ASPM: variants seen among roughly 807,000 people sequenced by gnomAD.
ASPM encodes the protein abnormal spindle-like microcephaly-associated protein.
Under a neutral mutation model 366.4 loss-of-function variants are expected in ASPM, and 256 were observed. The observed-to-expected ratio is 0.70, with a 90% CI of 0.63 to 0.77. ASPM has a LOEUF of 0.77. Ranked by LOEUF, ASPM falls within the 30% of genes least tolerant of loss-of-function variation. The pLI, the probability that ASPM is intolerant of heterozygous loss-of-function variation, is 0.00. For missense variants in ASPM, 4,146 were observed against 4,090.4 expected, an observed-to-expected ratio of 1.01 and a Z score of -0.37; for synonymous variants, 1,414 against 1,342.9, an observed-to-expected ratio of 1.05 and a Z score of -1.16.
intron 6 of ASPM, among the ~76,000 whole-genome samples, chr1:197,133,070 T>C (rs1275267601): frequency 2.6e-5 from 4 of 152,164 alleles, no homozygotes; most frequent in Non-Finnish European, 4.4e-5. Flanking sequence ...CGACTATAGT[T>C]AATAACAGTG....
At chr1:197,136,162 G>A (rs1330602601) in intron 4 of ASPM, among the ~76,000 whole-genome samples, 2 of 152,064 alleles carry the variant, frequency 1.3e-5, no homozygotes, top group East Asian at 1.9e-4. Flanking sequence ...AAAAATAAGG[G>A]AGAAATTAAG....
At chr1:197,118,128 TACTGA>T in intron 16 of ASPM, 145 bp from the exon 17 acceptor site, 1 of 790,472 alleles carries the variant, frequency 1.3e-6, no homozygotes, top group Non-Finnish European at 2.1e-6. Context: ...ATCTTTGGAA[TACTGA>T]TAATTCCAGG....
Position 197,100,659 on chromosome 1 carries a change from G to A in ASPM, c.8592C>T (p.Ile2864=). Residue 2864 remains isoleucine (I), a synonymous_variant, in exon 18 of 28, where the codon ATC becomes ATT. Coordinates refer to ENST00000367409, the MANE Select transcript of ASPM (RefSeq NM_018136.5). Reference sequence around the variant, plus strand: ...ACGTCCTAAAATAATGCTGTAAAGTGATAGCAGCTCTTTTCTGCTGAACAA... The same window carrying A: ...ACGTCCTAAAATAATGCTGTAAAGTAATAGCAGCTCTTTTCTGCTGAACAA... ...RRFVQQKRAA[I]TLQHYFRTWQ... The A allele has an allele frequency of 6.2e-7, 1 of 1,612,294 alleles. No homozygotes were observed. Among genetic ancestry groups the A allele is most frequent in the South Asian group, 1.1e-5 (1 of 91,044 alleles).
rs376539395 is a variant in ASPM, at chr1:197,122,174, T to C, written c.3726A>G (p.Thr1242=). The change falls in exon 15 of 28, where the codon ACA becomes ACG. Residue 1242 remains threonine (T), a synonymous_variant. Coordinates refer to ENST00000367409, the MANE Select transcript of ASPM (RefSeq NM_018136.5). ...TTTTACTTACCTTTTCATCTGGAAT[T>C]GTATTTGACATATCTGAATGATTAA... is the stretch of plus-strand genomic sequence containing the variant. ...AMINHSDMSN[T]IPDEKVVITY... is the part of the protein sequence containing the mutation. 2.9e-5 allele frequency: 47 copies of C among 1,611,038 alleles called. No individual in the cohort carries two copies. The Admixed American group carries it at 3.5e-4, about 12-fold the overall frequency.
rs1372835902 is a variant in ASPM at position 197,142,692 on chromosome 1, A to G, written c.1560T>C (p.Cys520=). ...CATGTTCACCCACTGCACTGTTGAG[A>G]CATCTTTTTGCTTTTGGTTTATTAA... ...TEINKPKAKR[C]LNSAVGEHEK... The change falls in exon 3 of 28, where the codon TGT becomes TGC. Residue 520 remains cysteine (C), a synonymous_variant. Transcript: ENST00000367409. 1 of 1,613,846 alleles carries G rather than the reference A, an allele frequency of 6.2e-7. No homozygotes were observed. Among genetic ancestry groups the G allele is most frequent in the African/African-American group, 1.3e-5 (1 of 75,002 alleles).
At chr1:197,092,933 C>A (rs1656830504) in intron 21 of ASPM, 119 bp downstream of exon 21, 2 of 894,880 alleles carry the variant, frequency 2.2e-6, no homozygotes. Context: ...TGAATTAATT[C>A]AAGTTAATGG....
chr1:197,136,452 T>C (rs1172895383), intron 4 of ASPM, among the ~76,000 whole-genome samples: 1 of 152,120 alleles, frequency 6.6e-6, no homozygotes, highest in Non-Finnish European at 1.5e-5. Context: ...ATATGTTAGG[T>C]GGTGTACAAT....
chr1:197,135,037 GT>G, intron 5 of ASPM, 58 bp downstream of exon 5: 1 of 1,268,646 alleles, frequency 7.9e-7, no homozygotes, highest in Admixed American at 2.0e-5. Context: ...GACAAACGAT[GT>G]TAAAAATCTT....
chr1:197,108,671 A>C (rs776592781), intron 17 of ASPM, among the ~76,000 whole-genome samples: 2 of 152,052 alleles, frequency 1.3e-5, no homozygotes, highest in Non-Finnish European at 2.9e-5. Flanking sequence ...TCCTATACAA[A>C]TTTAAAAAAC....
chr1:197,139,025 C>G (rs1003884434), intron 4 of ASPM: 2 of 731,498 alleles, frequency 2.7e-6, no homozygotes, highest in Non-Finnish European at 5.0e-6. Context: ...CTTTTGGCTT[C>G]AAAGATTTCT....
intron 4 of ASPM, chr1:197,139,181 A>C: frequency 1.0e-6 from 1 of 961,932 alleles, no homozygotes; most frequent in East Asian, 2.4e-5. Flanking sequence ...CTTGGAGCTT[A>C]ACGAAGTCAC....
At chr1:197,130,397 C>T (rs911911240) in intron 7 of ASPM, among the ~76,000 whole-genome samples, 1 of 152,094 alleles carries the variant, frequency 6.6e-6, no homozygotes, top group Non-Finnish European at 1.5e-5. Flanking sequence ...CCATTAAGTA[C>T]ATCGTGAAGT....
chr1:197,109,911 CTGA>C (rs1265368215), intron 17 of ASPM, among the ~76,000 whole-genome samples: 1 of 151,932 alleles, frequency 6.6e-6, no homozygotes, highest in African/African-American at 2.4e-5. Flanking sequence ...TAACAAAAAG[CTGA>C]TGATGAACAA....
In ASPM at chr1:197,090,099, A is replaced by C; in HGVS notation, c.9830-15T>G. On this transcript the variant is annotated splice_polypyrimidine_tract_variant and intron_variant, in intron 24 of 27. Transcript: ENST00000367409. The stretch of plus-strand genomic sequence containing the variant: ...AGTAACTACCTCTGAAAGAAAAAAA[A>C]AACACACACACACAGGTAAATTTAC... 6.2e-7 allele frequency: 1 copy of C among 1,613,502 alleles called. No individual in the cohort carries two copies. Among genetic ancestry groups the C allele is most frequent in the South Asian group, 1.1e-5 (1 of 91,070 alleles).
rs1329837493 is a variant in ASPM, at chr1:197,105,061, G to A, written c.4190C>T (p.Thr1397Ile). 2 of 1,609,742 alleles carry A rather than the reference G, an allele frequency of 1.2e-6. No homozygotes were observed. The highest frequency in any genetic ancestry group is 1.3e-5 in the African/African-American group (1 of 74,700). Reference protein sequence around the residue: ...VTSYKRYLWATVTIQRHWRAY... With the variant: ...VTSYKRYLWAIVTIQRHWRAY... ...ACGCCAATGCCTCTGAATTGTAACT[G>A]TAGCCCAAAGATATCGTTTATAAGA... Residue 1397 changes from threonine to isoleucine, a missense_variant, in exon 18 of 28, where the codon ACA becomes ATA. Thr to Ile is a moderately conservative substitution (Grantham distance 89, BLOSUM62 -1). Transcript: ENST00000367409.
At chr1:197,084,912 A>G (rs879710522) in intron 27 of ASPM, among the ~76,000 whole-genome samples, 13 of 152,160 alleles carry the variant, frequency 8.5e-5, no homozygotes, top group African/African-American at 2.7e-4. Context: ...TGAGACTTCC[A>G]TTCTCCATCC....
intron 16 of ASPM, among the ~76,000 whole-genome samples, chr1:197,119,782 C>G (rs1657849209): frequency 6.6e-6 from 1 of 151,948 alleles, no homozygotes; most frequent in Admixed American, 6.6e-5. Flanking sequence ...TGTAATGTAC[C>G]AGGGGATGCT....
chr1:197,135,603 C>A (rs1199769485), intron 4 of ASPM, among the ~76,000 whole-genome samples: 1 of 149,796 alleles, frequency 6.7e-6, no homozygotes, highest in African/African-American at 2.5e-5. Flanking sequence ...CTTGGGATAT[C>A]CATCACCTTA....
rs199544278 is a variant in ASPM, at chr1:197,101,772, C to T, written c.7479G>A (p.Met2493Ile). 4.3e-6 allele frequency: 7 copies of T among 1,612,550 alleles called. No individual in the cohort carries two copies. In the Admixed American group the frequency reaches 5.0e-5, roughly 12 times the overall value. Residue 2493 changes from methionine to isoleucine, a missense_variant, in exon 18 of 28, where the codon ATG becomes ATA. Met to Ile is a conservative substitution (Grantham distance 10). This residue lies in a region of ASPM where 3,624 missense variants were observed against 3,591.7 expected (regional missense o/e 1.01). Coordinates refer to ENST00000367409, the MANE Select transcript of ASPM (RefSeq NM_018136.5). ...TCTGAAATGTAATATATGTTCTGTA[C>T]ATCCTGAAAGTAGCCTGAATGAGAA... ...AAVLIQATFR[M>I]YRTYITFQTW...
Sources: allele counts gnomAD v4.1 joint callset (sites outside exome capture counted in the v4.1 genomes callset), GRCh38; gene constraint gnomAD v4.1.1; regional missense constraint gnomAD v4.1.1; transcripts MANE v1.5; gene names NCBI Gene and HGNC (gene_info 2026-07-23, HGNC 2026-07-21).